TMED10: variants seen among roughly 807,000 people sequenced by gnomAD.
TMED10 encodes the protein transmembrane p24 trafficking protein 10, also known as transmembrane emp24 domain-containing protein 10.
Under a neutral mutation model 23.1 loss-of-function variants are expected in TMED10, and 7 were observed. The ratio of observed to expected loss-of-function variants is 0.30; its 90% confidence interval spans 0.17 to 0.57. The LOEUF (loss-of-function observed/expected upper bound fraction) is 0.57. Among genes scored for constraint, TMED10 ranks in the 20% least tolerant of loss-of-function variants. The pLI, the probability that TMED10 is intolerant of heterozygous loss-of-function variation, is 0.91. For missense variants in TMED10, 162 were observed against 274.8 expected (o/e 0.59, Z 2.90); for synonymous variants, 113 against 106.9 (o/e 1.06, Z -0.35).
chr14:75,170,327 T>C (rs985979782), intron 1 of TMED10, among the ~76,000 whole-genome samples: 1 of 152,202 alleles, frequency 6.6e-6, no homozygotes, highest in African/African-American at 2.4e-5. Context: ...GTGGCTTGCA[T>C]GGTATATTAC....
chr14:75,138,189 C>T (rs151001677), intron 3 of TMED10, among the ~76,000 whole-genome samples: 268 of 152,166 alleles, frequency 1.8e-3, no homozygotes, highest in African/African-American at 6.3e-3. Context: ...TTATTATATT[C>T]TTCACTAAAT....
At chr14:75,147,375 G>A (rs545404742) in intron 3 of TMED10, among the ~76,000 whole-genome samples, 28 of 152,162 alleles carry the variant, frequency 1.8e-4, no homozygotes, top group Admixed American at 1.5e-3. Context: ...TGTATTTTTA[G>A]TAGAAACTTG....
At chr14:75,161,212 A>G (rs1594872192) in intron 1 of TMED10, among the ~76,000 whole-genome samples, 1 of 152,206 alleles carries the variant, frequency 6.6e-6, no homozygotes, top group East Asian at 1.9e-4. Flanking sequence ...CAGTGGCTGG[A>G]AACAGATTTT....
chr14:75,164,559 A>T (rs1594873651), intron 1 of TMED10, among the ~76,000 whole-genome samples: 3 of 32,180 alleles, frequency 9.3e-5, no homozygotes, highest in African/African-American at 1.9e-4. Context: ...ATATATATAT[A>T]TATATATATA....
intron 1 of TMED10, among the ~76,000 whole-genome samples, chr14:75,170,655 A>C (rs1896222388): frequency 6.6e-6 from 1 of 152,210 alleles, no homozygotes; most frequent in African/African-American, 2.4e-5. Flanking sequence ...TTTAAAAAAA[A>C]ACCCAAAAAC....
Position 75,134,771 on chromosome 14 carries a change from A to G in TMED10, c.*114T>C, listed in dbSNP as rs989752689. 19 of 1,445,066 alleles carry G rather than the reference A, an allele frequency of 1.3e-5. No individual in the cohort carries two copies. Among genetic ancestry groups the G allele is most frequent in the Non-Finnish European group, 1.6e-5 (17 of 1,049,284 alleles). 89.5% of individuals were successfully genotyped at this position (1,445,066 alleles called of 1,614,324 possible). A position where few individuals can be genotyped will look rare whatever the true frequency, so the allele number is the denominator to read the frequency against. On this transcript the variant is annotated 3_prime_UTR_variant, in exon 5 of 5. Transcript: ENST00000303575. The stretch of plus-strand genomic sequence containing the variant: ...ACACCAAAAGAGATCAGTTCTGGCA[A>G]GAAAGCTCCAACGTGCCTTGATGGT...
At chr14:75,155,113 C>A (rs1210383270) in intron 1 of TMED10, among the ~76,000 whole-genome samples, 2 of 152,156 alleles carry the variant, frequency 1.3e-5, no homozygotes, top group African/African-American at 4.8e-5. Context: ...CATGCACCCC[C>A]AAGCCCGGCT....
intron 1 of TMED10, among the ~76,000 whole-genome samples, chr14:75,155,527 T>C (rs1048677206): frequency 1.3e-5 from 2 of 152,370 alleles, no homozygotes; most frequent in East Asian, 1.9e-4. Context: ...ACAATGTGTA[T>C]GTATAACAAA....
chr14:75,132,294 A>G lies in TMED10; in HGVS notation c.*2591T>C, dbSNP rs1297878065. 2 of 149,696 alleles carry G rather than the reference A, an allele frequency of 1.3e-5. No individual in the cohort carries two copies. Among genetic ancestry groups the G allele is most frequent in the Admixed American group, 6.7e-5 (1 of 14,954 alleles). 9.3% of individuals were successfully genotyped at this position (149,696 alleles called of 1,614,324 possible). ...TCCCAGCTACTCAGGAGGCTGAGGCAGGAGAATTGCTTGAACCCAGGAGGT... is the reference window on the plus strand; with the variant it reads ...TCCCAGCTACTCAGGAGGCTGAGGCGGGAGAATTGCTTGAACCCAGGAGGT... On this transcript the variant is annotated 3_prime_UTR_variant, in exon 5 of 5. Coordinates refer to ENST00000303575, the MANE Select transcript of TMED10 (RefSeq NM_006827.6).
intron 1 of TMED10, among the ~76,000 whole-genome samples, chr14:75,174,937 G>A (rs1220231634): frequency 1.3e-5 from 2 of 151,338 alleles, no homozygotes; most frequent in East Asian, 3.9e-4. Context: ...CTACTCGGAA[G>A]GCTGAGGCAG....
At chr14:75,156,565 T>C (rs1358940324) in intron 1 of TMED10, among the ~76,000 whole-genome samples, 1 of 152,146 alleles carries the variant, frequency 6.6e-6, no homozygotes, top group African/African-American at 2.4e-5. Flanking sequence ...TTTCAGATCA[T>C]CCAGTTTTTC....
chr14:75,144,224 G>T (rs1380568712), intron 3 of TMED10, among the ~76,000 whole-genome samples: 2 of 152,170 alleles, frequency 1.3e-5, no homozygotes, highest in Non-Finnish European at 2.9e-5. Flanking sequence ...CAGACAGTAA[G>T]TCCCTACAAA....
intron 1 of TMED10, among the ~76,000 whole-genome samples, chr14:75,155,171 C>T (rs1014703871): frequency 6.6e-6 from 1 of 152,044 alleles, no homozygotes; most frequent in Non-Finnish European, 1.5e-5. Context: ...GTTGGCCAGG[C>T]TGGTCTCCAA....
chr14:75,152,857 C>T (rs533767030), intron 1 of TMED10, among the ~76,000 whole-genome samples: 2 of 151,932 alleles, frequency 1.3e-5, no homozygotes, highest in South Asian at 2.1e-4. Context: ...CGGTGGCTCA[C>T]GCCTGTAATC....
chr14:75,173,498 T>C (rs779326234), intron 1 of TMED10, among the ~76,000 whole-genome samples: 6 of 152,168 alleles, frequency 3.9e-5, no homozygotes, highest in Non-Finnish European at 5.9e-5. Context: ...TCACCCCTAA[T>C]TAACAGTTTC....
At chr14:75,156,875 C>T (rs1289720628) in intron 1 of TMED10, among the ~76,000 whole-genome samples, 1 of 148,514 alleles carries the variant, frequency 6.7e-6, no homozygotes, top group Non-Finnish European at 1.5e-5. Flanking sequence ...GATCACGCCA[C>T]TGCATTCCAG....
rs1462453428 is a variant in TMED10 at position 75,175,972 on chromosome 14, T to C, written c.225+383A>G. Reference sequence around the variant, plus strand: ...CACGGTTAGCTCTGTCTCCTTTACTTTCCTGCAGGTATCGCGGTATCTTAT... The same window carrying C: ...CACGGTTAGCTCTGTCTCCTTTACTCTCCTGCAGGTATCGCGGTATCTTAT... On this transcript the variant is annotated intron_variant, in intron 1 of 4. Coordinates refer to ENST00000303575, the MANE Select transcript of TMED10 (RefSeq NM_006827.6). 9.0e-5 allele frequency: 26 copies of C among 289,964 alleles called. No homozygotes were observed. In the East Asian group the frequency reaches 2.6e-3, roughly 29 times the overall value. The allele number at this position is 289,964 out of a possible 1,614,324, so 18.0% of individuals were successfully genotyped here. A position where few individuals can be genotyped will look rare whatever the true frequency, so the allele number is the denominator to read the frequency against.
intron 1 of TMED10, among the ~76,000 whole-genome samples, chr14:75,172,282 T>C (rs987179983): frequency 3.3e-5 from 5 of 151,906 alleles, no homozygotes; most frequent in Non-Finnish European, 5.9e-5. Flanking sequence ...GATCATACTA[T>C]ATGGACTGGG....
intron 3 of TMED10, among the ~76,000 whole-genome samples, chr14:75,143,827 G>A (rs1360112803): frequency 1.3e-5 from 2 of 151,866 alleles, no homozygotes; most frequent in South Asian, 2.1e-4. Context: ...CCAGCTACTC[G>A]GGAGGCTGAG....
Sources: allele counts gnomAD v4.1 joint callset (sites outside exome capture counted in the v4.1 genomes callset), GRCh38; gene constraint gnomAD v4.1.1; transcripts MANE v1.5; gene names NCBI Gene and HGNC (gene_info 2026-07-23, HGNC 2026-07-21).